The following PDE1A variants were observed in gnomAD, a reference collection of about 807,000 sequenced individuals.
PDE1A encodes the protein dual specificity calcium/calmodulin-dependent 3',5'-cyclic nucleotide phosphodiesterase 1A.
PDE1A carries 35 observed loss-of-function variants against 61.7 expected under a neutral mutation model. That is an observed-to-expected ratio of 0.57 (90% CI 0.43 to 0.75). PDE1A has a LOEUF of 0.75. Ranked by LOEUF, PDE1A falls within the 30% of genes least tolerant of loss-of-function variation. The pLI, the probability that PDE1A is intolerant of heterozygous loss-of-function variation, is 0.00. For synonymous variants in PDE1A, 232 were observed against 213.2 expected, an observed-to-expected ratio of 1.09 and a Z score of -0.77; for missense variants, 597 against 630.6, an observed-to-expected ratio of 0.95 and a Z score of 0.57.
At chr2:182,248,548 G>T (rs1691159048) in intron 2 of PDE1A, among the ~76,000 whole-genome samples, 1 of 152,022 alleles carries the variant, frequency 6.6e-6, no homozygotes, top group South Asian at 2.1e-4. Context: ...CTTGAAATCA[G>T]ATGACATAAC....
rs553880622 is a variant in PDE1A at position 182,292,733 on chromosome 2, C to T, written c.54-28319G>A. The stretch of plus-strand genomic sequence containing the variant: ...GGAGAACATAAATTAAGTAGTAAAA[C>T]TCTTTCTCTATCTCCTCTCTCTTTC... On this transcript the variant is annotated intron_variant, in intron 1 of 13. Coordinates refer to ENST00000351439, the Ensembl canonical transcript of PDE1A. Among the ~76,000 whole-genome samples the T allele has an allele frequency of 3.3e-5, 5 of 152,080 alleles. No individual in the cohort carries two copies. In the South Asian group the frequency reaches 8.3e-4, roughly 25 times the overall value.
In PDE1A at chr2:182,387,477, G is replaced by A. The variant is rs184662061; in HGVS notation, c.53+39101C>T. Among the ~76,000 whole-genome samples the A allele has an allele frequency of 2.5e-3, 384 of 152,122 alleles. 5 individuals carry two copies. The Middle Eastern group carries it at 0.041, about 16-fold the overall frequency. ...AAAGAAGAAAGAAAGAGAGAGAGAG[G>A]TTGGGTGTGGTGGCTCACGCCTGTA... On this transcript the variant is annotated intron_variant, in intron 1 of 13. Transcript: ENST00000351439.
At chr2:182,700,333 A>G in the PDE1A span, among the ~76,000 whole-genome samples, 1 of 144,922 alleles carries the variant, frequency 6.9e-6, no homozygotes, top group African/African-American at 2.6e-5. Context: ...ACACTTTGGG[A>G]GGCTGAGGTG....
At chr2:182,283,677 C>T (rs921985108) in intron 1 of PDE1A, among the ~76,000 whole-genome samples, 1 of 151,764 alleles carries the variant, frequency 6.6e-6, no homozygotes, top group African/African-American at 2.4e-5. Context: ...TGTATTCACC[C>T]AGAAGGAAAT....
intron 2 of PDE1A, among the ~76,000 whole-genome samples, chr2:182,514,648 C>T (rs1690022861): frequency 6.6e-6 from 1 of 152,142 alleles, no homozygotes; most frequent in South Asian, 2.1e-4. Context: ...ACCTTCTTTT[C>T]ACCATATACA....
chr2:182,182,789 T>C (rs566787517), intron 13 of PDE1A, among the ~76,000 whole-genome samples: 1 of 151,876 alleles, frequency 6.6e-6, no homozygotes, highest in Non-Finnish European at 1.5e-5. Context: ...TTTTAAAAAT[T>C]TGTTAACACC....
At chr2:182,209,066 G>C (rs1687356481) in intron 7 of PDE1A, among the ~76,000 whole-genome samples, 1 of 152,124 alleles carries the variant, frequency 6.6e-6, no homozygotes, top group African/African-American at 2.4e-5. Context: ...TGTGATTCAG[G>C]AGGGGCCAGA....
chr2:182,207,126 G>A (rs1281935182), intron 7 of PDE1A, among the ~76,000 whole-genome samples: 1 of 152,158 alleles, frequency 6.6e-6, no homozygotes, highest in African/African-American at 2.4e-5. Flanking sequence ...ATGGGCAGAG[G>A]TTGAAACAGT....
chr2:182,367,251 T>A (rs753033705), intron 1 of PDE1A, among the ~76,000 whole-genome samples: 1 of 152,040 alleles, frequency 6.6e-6, no homozygotes, highest in Non-Finnish European at 1.5e-5. Context: ...CTATTTCTTA[T>A]TGAATTATTG....
chr2:182,495,246 C>T (rs1356150355), intron 2 of PDE1A, among the ~76,000 whole-genome samples: 1 of 152,152 alleles, frequency 6.6e-6, no homozygotes, highest in Non-Finnish European at 1.5e-5. Flanking sequence ...GGTAAGGGTA[C>T]CTGCATACTG....
chr2:182,411,762 C>A (rs1041876247), intron 1 of PDE1A, among the ~76,000 whole-genome samples: 6 of 151,988 alleles, frequency 3.9e-5, no homozygotes, highest in Admixed American at 3.3e-4. Context: ...TGATGTTGCT[C>A]AACATCTTAC....
chr2:182,251,060 C>A (rs1003007505), intron 2 of PDE1A, among the ~76,000 whole-genome samples: 1 of 152,114 alleles, frequency 6.6e-6, no homozygotes, highest in Non-Finnish European at 1.5e-5. Context: ...TGGCTTCCCA[C>A]CAGGAAATCC....
At chr2:182,586,867 T>C in the PDE1A span, among the ~76,000 whole-genome samples, 1 of 152,188 alleles carries the variant, frequency 6.6e-6, no homozygotes. Flanking sequence ...AAAGATACAG[T>C]GGTTGCCCTA....
chr2:182,691,764 T>A, the PDE1A span, among the ~76,000 whole-genome samples: 10 of 151,322 alleles, frequency 6.6e-5, no homozygotes, highest in African/African-American at 2.2e-4. Flanking sequence ...TGGGAGAAAA[T>A]TTTTACAAAC....
At chr2:182,516,702 G>GAGGACGGAAGGAAGGAAGGA (rs1690181207) in intron 2 of PDE1A, among the ~76,000 whole-genome samples, 1 of 116,848 alleles carries the variant, frequency 8.6e-6, no homozygotes, top group Non-Finnish European at 1.7e-5. Flanking sequence ...GGGAGGAAGG[G>GAGGACGGAAGGAAGGAAGGA]AGGAAGGAAG....
At chr2:182,356,725 C>T (rs1229909345) in intron 1 of PDE1A, among the ~76,000 whole-genome samples, 2 of 152,078 alleles carry the variant, frequency 1.3e-5, no homozygotes, top group African/African-American at 4.8e-5. Flanking sequence ...TAGAGTGAGA[C>T]TGCCTCAAAA....
chr2:182,392,774 G>A (rs1428712203), intron 1 of PDE1A, among the ~76,000 whole-genome samples: 1 of 152,258 alleles, frequency 6.6e-6, no homozygotes, highest in Non-Finnish European at 1.5e-5. Context: ...ATCCAGTGGG[G>A]CAGTCAAATC....
rs772719300 is a variant in PDE1A, at chr2:182,228,593, T to C, written c.675+1413A>G. The stretch of plus-strand genomic sequence containing the variant: ...ATGAAATTTAATAGTCACCTATCAC[T>C]ACTTTTTAATGTAGAGAAAACTTGT... On this transcript the variant is annotated intron_variant, in intron 6 of 13. Transcript: ENST00000351439. 8.7e-4 allele frequency among the ~76,000 whole-genome samples: 132 copies of C among 152,316 alleles called. 2 individuals are homozygous for C. Among genetic ancestry groups the C allele is most frequent in the Middle Eastern group, 6.8e-3 (2 of 294 alleles).
chr2:182,318,560 C>T (rs1371756793), intron 1 of PDE1A, among the ~76,000 whole-genome samples: 1 of 152,132 alleles, frequency 6.6e-6, no homozygotes, highest in Non-Finnish European at 1.5e-5. Context: ...AAATTAAATG[C>T]TGCAATAGTA....
Sources: allele counts gnomAD v4.1 joint callset (sites outside exome capture counted in the v4.1 genomes callset), GRCh38; gene constraint gnomAD v4.1.1; transcripts MANE v1.5; gene names NCBI Gene and HGNC (gene_info 2026-07-23, HGNC 2026-07-21).